Variants in PEAK1 observed in about 807,000 individuals in gnomAD.
The protein encoded by PEAK1 is inactive tyrosine-protein kinase PEAK1.
In PEAK1, 54 loss-of-function variants were observed where a neutral mutation model predicts 124.7. The observed-to-expected ratio is 0.43, with a 90% CI of 0.35 to 0.54. The LOEUF (loss-of-function observed/expected upper bound fraction) is 0.54, where lower values mean the gene tolerates loss of function less well. Among genes scored for constraint, PEAK1 ranks in the 20% least tolerant of loss-of-function variants. The pLI, the probability that PEAK1 is intolerant of heterozygous loss-of-function variation, is 0.01. For synonymous variants in PEAK1, 719 were observed against 760.0 expected (o/e 0.95, Z 0.89); for missense variants, 2,046 against 2,134.5 (o/e 0.96, Z 0.82).
chr15:77,138,822 A>C (rs1482658213), intron 8 of PEAK1, among the ~76,000 whole-genome samples: 3 of 148,986 alleles, frequency 2.0e-5, no homozygotes, highest in African/African-American at 7.4e-5. Context: ...AGATCATACC[A>C]CTGCACTCCA....
chr15:77,375,918 G>A (rs2068977877), intron 1 of PEAK1, among the ~76,000 whole-genome samples: 1 of 151,998 alleles, frequency 6.6e-6, no homozygotes, highest in African/African-American at 2.4e-5. Flanking sequence ...AGAATGGCGG[G>A]AACCCGGGAG....
intron 7 of PEAK1, among the ~76,000 whole-genome samples, chr15:77,167,251 G>A (rs2056166352): frequency 6.6e-6 from 1 of 152,106 alleles, no homozygotes; most frequent in Non-Finnish European, 1.5e-5. Context: ...AGCAGGGAGG[G>A]GGTAATAATT....
chr15:77,258,358 A>G (rs2061273812), intron 5 of PEAK1, among the ~76,000 whole-genome samples: 2 of 152,198 alleles, frequency 1.3e-5, no homozygotes, highest in Admixed American at 1.3e-4. Flanking sequence ...CCTACCCATG[A>G]GCGTGGAATG....
chr15:77,297,233 CAT>C (rs1187624556), intron 2 of PEAK1, among the ~76,000 whole-genome samples: 2 of 151,832 alleles, frequency 1.3e-5, no homozygotes, highest in Admixed American at 6.6e-5. Flanking sequence ...CAGAAAAAAG[CAT>C]ATGTTTCATA....
At chr15:77,232,303 C>G (rs945405733) in intron 6 of PEAK1, among the ~76,000 whole-genome samples, 2 of 144,610 alleles carry the variant, frequency 1.4e-5, no homozygotes, top group African/African-American at 2.5e-5. Context: ...AGCAGATGAA[C>G]AGTGTCAGGA....
intron 1 of PEAK1, among the ~76,000 whole-genome samples, chr15:77,394,342 C>A (rs541179186): frequency 1.3e-5 from 2 of 152,352 alleles, no homozygotes; most frequent in African/African-American, 4.8e-5. Flanking sequence ...GCCATGCTGA[C>A]CGCAGGTCTG....
chr15:77,259,079 G>A (rs1476958397), intron 5 of PEAK1, among the ~76,000 whole-genome samples: 1 of 152,054 alleles, frequency 6.6e-6, no homozygotes. Context: ...TTACCGTAAA[G>A]GTAGAGTTAA....
chr15:77,225,049 C>T (rs944487006), intron 6 of PEAK1, among the ~76,000 whole-genome samples: 2 of 151,948 alleles, frequency 1.3e-5, no homozygotes, highest in African/African-American at 2.4e-5. Context: ...TTTTAAGTAG[C>T]TCCCTATTTT....
chr15:77,323,659 C>T lies in PEAK1; in HGVS notation c.-602-37155G>A, dbSNP rs549697493. Among the ~76,000 whole-genome samples the T allele has an allele frequency of 6.4e-4, 98 of 152,284 alleles. 1 individual carries two copies. The highest frequency in any genetic ancestry group is 2.3e-3 in the African/African-American group (97 of 41,564). ...GGATACCAACAAATGGAAGAACATT[C>T]CATGCTCATGGGTAGGAAGAATCAA... On this transcript the variant is annotated intron_variant, in intron 2 of 9. Transcript: ENST00000682557.
chr15:77,125,231 G>A (rs1256437172), intron 9 of PEAK1, among the ~76,000 whole-genome samples: 2 of 152,168 alleles, frequency 1.3e-5, no homozygotes, highest in Non-Finnish European at 2.9e-5. Context: ...CATGGAAAAG[G>A]TCAAGTATAA....
intron 2 of PEAK1, among the ~76,000 whole-genome samples, chr15:77,362,778 G>A (rs2067975940): frequency 6.6e-6 from 1 of 151,546 alleles, no homozygotes; most frequent in Admixed American, 6.6e-5. Context: ...TCCAACAACT[G>A]ATAAATGGAT....
chr15:77,178,299 G>T (rs1398485852), intron 7 of PEAK1: 1 of 153,644 alleles, frequency 6.5e-6, no homozygotes, highest in African/African-American at 2.4e-5. Flanking sequence ...AAGGAGGACA[G>T]AAAGAGACAG....
rs992234954 is a variant in PEAK1, at chr15:77,283,933, A to G, written c.-325T>C. Reference sequence around the variant, plus strand: ...CTGTAGTCATTACTACTTTCATATTAGAAAATGTTTGTTTCTCCTTCTTGG... The same window carrying G: ...CTGTAGTCATTACTACTTTCATATTGGAAAATGTTTGTTTCTCCTTCTTGG... On this transcript the variant is annotated 5_prime_UTR_variant, in exon 5 of 10. It removes the in-frame stop codon of an upstream open reading frame in the 5' UTR. Transcript: ENST00000682557. 3.1e-6 allele frequency: 3 copies of G among 982,642 alleles called. No homozygotes were observed. Among genetic ancestry groups the G allele is most frequent in the Non-Finnish European group, 3.6e-6 (3 of 827,374 alleles). 60.9% of individuals were successfully genotyped at this position (982,642 alleles called of 1,614,324 possible). A position where few individuals can be genotyped will look rare whatever the true frequency, so the allele number is the denominator to read the frequency against.
At chr15:77,169,273 A>C (rs2056339493) in intron 7 of PEAK1, among the ~76,000 whole-genome samples, 1 of 152,212 alleles carries the variant, frequency 6.6e-6, no homozygotes, top group South Asian at 2.1e-4. Context: ...TTGTCAACCA[A>C]GTATGAAAAC....
chr15:77,277,206 TA>T (rs2062377205), intron 5 of PEAK1, among the ~76,000 whole-genome samples: 1 of 152,094 alleles, frequency 6.6e-6, no homozygotes. Context: ...TTATGCTGAG[TA>T]AAAAAAGCCA....
chr15:77,250,176 TATATGTATATATATACATATATATAC>T (rs2060790459), intron 6 of PEAK1, among the ~76,000 whole-genome samples: 1 of 111,478 alleles, frequency 9.0e-6, no homozygotes, highest in Non-Finnish European at 2.1e-5. Flanking sequence ...CATATATATG[TATATGTATATATATACATATATATAC>T]ATATATATGT....
At chr15:77,228,763 A>T (rs1328641677) in intron 6 of PEAK1, among the ~76,000 whole-genome samples, 1 of 152,222 alleles carries the variant, frequency 6.6e-6, no homozygotes, top group Non-Finnish European at 1.5e-5. Context: ...TTATATATTA[A>T]AATACTTTGT....
chr15:77,287,436 A>G (rs988371851), intron 2 of PEAK1, among the ~76,000 whole-genome samples: 2 of 152,258 alleles, frequency 1.3e-5, no homozygotes, highest in Non-Finnish European at 1.5e-5. Context: ...TATCTACTAC[A>G]TAACATTATA....
chr15:77,133,263 T>G lies in PEAK1; in HGVS notation c.3819A>C (p.Arg1273Ser). Residue 1273 changes from arginine to serine, a missense_variant, in exon 9 of 10, where the codon AGA (arginine) becomes AGC (serine). Arg to Ser is a moderately radical substitution (Grantham distance 110). Coordinates refer to ENST00000682557, the MANE Select transcript of PEAK1 (RefSeq NM_001385026.1). This position sits in a 1 kb window ranked among gnomAD's most constrained non-coding sequence, Gnocchi z 4.2. Reference sequence around the variant, plus strand: ...TCTCAAGTCCTCGATAAAGTGCTTGTCTCTGCGGCTTCTGGATGCCTCGGC... The same window carrying G: ...TCTCAAGTCCTCGATAAAGTGCTTGGCTCTGCGGCTTCTGGATGCCTCGGC... ...RQGRGIQKPQ[R>S]QALYRGLENR... 6.2e-7 allele frequency: 1 copy of G among 1,614,240 alleles called. No homozygotes were observed. Among genetic ancestry groups the G allele is most frequent in the Non-Finnish European group, 8.5e-7 (1 of 1,180,036 alleles).
Sources: gnomAD v4.1 joint callset for allele counts (sites outside exome capture counted in the v4.1 genomes callset) on GRCh38, gnomAD v4.1.1 for gene constraint, Gnocchi (gnomAD v3.1) non-coding constraint, MANE v1.5 for transcripts, NCBI Gene and HGNC (gene_info 2026-07-23, HGNC 2026-07-21) for gene names.